Variants in MYO9B observed in about 807,000 individuals in gnomAD.
The protein encoded by MYO9B is unconventional myosin-IXb.
Under a neutral mutation model 229.5 loss-of-function variants are expected in MYO9B, and 71 were observed. The observed-to-expected ratio is 0.31, with a 90% confidence interval of 0.26 to 0.38. The LOEUF (loss-of-function observed/expected upper bound fraction) is 0.38. MYO9B is among the 10% of genes least tolerant of loss of function. The probability of loss-of-function intolerance (pLI) is 1.00; values close to 1 mark genes in which losing one functional copy is unlikely to be tolerated. For missense variants in MYO9B, 2,255 were observed against 2,920.5 expected (o/e 0.77, Z 5.25); for synonymous variants, 1,185 against 1,235.8 (o/e 0.96, Z 0.86).
chr19:17,198,348 A>T, intron 24 of MYO9B, 40 bp downstream of exon 24: 1 of 1,609,624 alleles, frequency 6.2e-7, no homozygotes, highest in Non-Finnish European at 8.5e-7. Flanking sequence ...CCACCAGAGG[A>T]TGCCCGGGGT....
rs1343644293 is a variant in MYO9B at position 17,213,145 on chromosome 19, G to C, written c.*835G>C. On this transcript the variant is annotated 3_prime_UTR_variant, in exon 40 of 40. Transcript: ENST00000682292. ...ACGCCTGAAGTCAGACCTCCCTATA[G>C]GTCAACAGGGACAACCTGGGGATCT... 1 of 152,276 alleles carries C rather than the reference G, an allele frequency of 6.6e-6. No individual in the cohort carries two copies. The highest frequency in any genetic ancestry group is 1.5e-5 in the Non-Finnish European group (1 of 68,066). 9.4% of individuals were successfully genotyped at this position (152,276 alleles called of 1,614,324 possible).
intron 2 of MYO9B, among the ~76,000 whole-genome samples, chr19:17,134,880 C>A (rs1313021955): frequency 6.6e-6 from 1 of 152,170 alleles, no homozygotes; most frequent in East Asian, 1.9e-4. Context: ...TCTCCTGCCT[C>A]AGCCTCCCAG....
At chr19:17,098,955 A>T in intron 1 of MYO9B, among the ~76,000 whole-genome samples, 1 of 135,888 alleles carries the variant, frequency 7.4e-6, no homozygotes, top group Non-Finnish European at 1.6e-5. Flanking sequence ...AAAGAAGAAG[A>T]AACTGGGCGA....
intron 10 of MYO9B, among the ~76,000 whole-genome samples, chr19:17,166,604 A>G (rs1344583167): frequency 3.3e-5 from 5 of 151,926 alleles, no homozygotes; most frequent in African/African-American, 1.2e-4. Context: ...TCACCCAGGT[A>G]TTAAACCTAG....
rs547173873 is a variant in MYO9B at position 17,075,883 on chromosome 19, C to T, written c.-59+9C>T. On this transcript the variant is annotated intron_variant, in intron 1 of 39. Coordinates refer to ENST00000682292, the MANE Select transcript of MYO9B (RefSeq NM_004145.4). ...GCGGCGGCCGAGGCCAGGTGAGTAC[C>T]AGGCAGCCTCGGGTTGGCGACTCGA... 5.9e-4 allele frequency: 89 copies of T among 151,674 alleles called. No individual in the cohort carries two copies. The highest frequency in any genetic ancestry group is 2.0e-3 in the African/African-American group (84 of 41,416). 9.4% of individuals were successfully genotyped at this position (151,674 alleles called of 1,614,324 possible).
At chr19:17,159,664 A>G (rs1347558023) in intron 8 of MYO9B, among the ~76,000 whole-genome samples, 180 bp downstream of exon 8, 2 of 152,246 alleles carry the variant, frequency 1.3e-5, no homozygotes, top group Non-Finnish European at 2.9e-5. Context: ...GAGGCAAACC[A>G]TGGGCCTCAG....
Position 17,193,123 on chromosome 19 carries a change from A to C in MYO9B, c.3128+61A>C. The C allele has an allele frequency of 7.1e-7, 1 of 1,412,484 alleles. No individual in the cohort carries two copies. The highest frequency in any genetic ancestry group is 9.3e-7 in the Non-Finnish European group (1 of 1,080,720). The allele number at this position is 1,412,484 out of a possible 1,614,324, so 87.5% of individuals were successfully genotyped here. A position where few individuals can be genotyped will look rare whatever the true frequency, so the allele number is the denominator to read the frequency against. ...CAGAAGCCAAAAAGGTCACTCACCAAATTGCTGCCCGTGATATACCATCTG... is the reference window on the plus strand; with the variant it reads ...CAGAAGCCAAAAAGGTCACTCACCACATTGCTGCCCGTGATATACCATCTG... On this transcript the variant is annotated intron_variant, in intron 21 of 39. Coordinates refer to ENST00000682292, the MANE Select transcript of MYO9B (RefSeq NM_004145.4). This position sits in a 1 kb window ranked among gnomAD's most constrained non-coding sequence, Gnocchi z 4.3.
At chr19:17,207,327 A>C (rs531097166) in intron 35 of MYO9B, 83 bp downstream of exon 35, 2 of 1,512,888 alleles carry the variant, frequency 1.3e-6, no homozygotes, top group Admixed American at 2.0e-5. Flanking sequence ...CCCTGTGTAA[A>C]TAAATGTGTA....
In MYO9B at chr19:17,206,203, C is replaced by T. The variant is rs2073159634; in HGVS notation, c.5258-45C>T. ...AGTGCCAGGCCCCAGGCACAGCCGT[C>T]CTGCCAGTGCGCCGCTCACCAGACC... On this transcript the variant is annotated intron_variant, in intron 32 of 39. Coordinates refer to ENST00000682292, the MANE Select transcript of MYO9B (RefSeq NM_004145.4). The T allele has an allele frequency of 1.9e-6, 3 of 1,597,084 alleles. No homozygotes were observed. The African/African-American group carries it at 4.0e-5, about 21-fold the overall frequency.
chr19:17,191,327 G>A (rs571678186), intron 20 of MYO9B, 108 bp downstream of exon 20: 1 of 1,343,166 alleles, frequency 7.4e-7, no homozygotes, highest in African/African-American at 1.5e-5. Flanking sequence ...ACAGGGCTCT[G>A]TCTAGGAAAT....
rs59510773 is a variant in MYO9B, at chr19:17,199,700, C to CT, written c.4239-578dup. ...AGCTAATTTTTTTTTCTTTTTTTTTCTTTTTTTTTTTTTTTGTATTTTTGG... is the reference window on the plus strand; with the variant it reads ...AGCTAATTTTTTTTTCTTTTTTTTTCTTTTTTTTTTTTTTTTGTATTTTTGG... On this transcript the variant is annotated intron_variant, in intron 24 of 39. Coordinates refer to ENST00000682292, the MANE Select transcript of MYO9B (RefSeq NM_004145.4). Among the ~76,000 whole-genome samples, 102 of 68,794 alleles carry CT rather than the reference C, an allele frequency of 1.5e-3. No homozygotes were observed. The East Asian group carries it at 0.023, about 15-fold the overall frequency. The allele number at this position is 68,794 out of a possible 152,430, so 45.1% of individuals were successfully genotyped here.
At chr19:17,203,561 C>G (rs941552836) in intron 30 of MYO9B, among the ~76,000 whole-genome samples, 1 of 149,578 alleles carries the variant, frequency 6.7e-6, no homozygotes, top group Non-Finnish European at 1.5e-5. Context: ...TGCAGTGAGT[C>G]GAGATCGCGC....
chr19:17,130,876 C>T (rs1435056342), intron 2 of MYO9B, among the ~76,000 whole-genome samples: 1 of 152,100 alleles, frequency 6.6e-6, no homozygotes, highest in Non-Finnish European at 1.5e-5. Flanking sequence ...ACTCCTGAAC[C>T]TTGTCCCAGT....
intron 22 of MYO9B, among the ~76,000 whole-genome samples, 196 bp from the exon 23 acceptor site, chr19:17,197,596 C>T (rs989656717): frequency 1.3e-5 from 2 of 152,178 alleles, no homozygotes; most frequent in African/African-American, 4.8e-5. Flanking sequence ...CTGCCCTCCA[C>T]TCACCAGAGG....
chr19:17,122,712 C>G (rs1251769518), intron 2 of MYO9B, among the ~76,000 whole-genome samples: 1 of 152,180 alleles, frequency 6.6e-6, no homozygotes, highest in Non-Finnish European at 1.5e-5. Context: ...CAATGACAGG[C>G]AGGTATCAGT....
intron 18 of MYO9B, 102 bp downstream of exon 18, chr19:17,186,103 C>A: frequency 9.7e-7 from 1 of 1,034,510 alleles, no homozygotes; most frequent in Non-Finnish European, 1.5e-6. Flanking sequence ...GTATGGGGGA[C>A]GGTGCAGCAG....
At chr19:17,082,852 G>A (rs958217960) in intron 1 of MYO9B, among the ~76,000 whole-genome samples, 5 of 152,016 alleles carry the variant, frequency 3.3e-5, no homozygotes, top group African/African-American at 4.8e-5. Context: ...AAGGGTTGGG[G>A]TGTCCTGGAG....
At chr19:17,164,657 T>C (rs149813044) in intron 10 of MYO9B, among the ~76,000 whole-genome samples, 4,739 of 152,254 alleles carry the variant, frequency 0.031, 261 homozygotes, top group African/African-American at 0.11. Context: ...GCTGGGATTA[T>C]AGGCGTGAGC....
chr19:17,161,960 C>G (rs1461315762), intron 8 of MYO9B, among the ~76,000 whole-genome samples: 1 of 146,850 alleles, frequency 6.8e-6, no homozygotes, highest in African/African-American at 2.5e-5. Context: ...TGCACTTCAG[C>G]CTGGATAACA....
Sources: allele counts gnomAD v4.1 joint callset (sites outside exome capture counted in the v4.1 genomes callset), GRCh38; gene constraint gnomAD v4.1.1; non-coding constraint Gnocchi (gnomAD v3.1); transcripts MANE v1.5; gene names NCBI Gene and HGNC (gene_info 2026-07-23, HGNC 2026-07-21).